Variants in SSBP3 observed in about 807,000 individuals in gnomAD.
SSBP3 encodes the protein single stranded DNA binding protein 3.
In SSBP3, 5 loss-of-function variants were observed where a neutral mutation model predicts 69.6. The observed-to-expected ratio is 0.07, with a 90% CI of 0.04 to 0.15. The LOEUF is 0.15. Ranked by LOEUF, SSBP3 falls within the 10% of genes least tolerant of loss-of-function variation. The probability of loss-of-function intolerance (pLI) is 1.00; values close to 1 mark genes in which losing one functional copy is unlikely to be tolerated. For missense variants in SSBP3, 312 were observed against 534.0 expected (o/e 0.58, Z 4.10); for synonymous variants, 196 against 193.4 (o/e 1.01, Z -0.11).
chr1:54,240,038 T>C (rs1398194779), intron 13 of SSBP3, among the ~76,000 whole-genome samples: 5 of 139,660 alleles, frequency 3.6e-5, no homozygotes, highest in African/African-American at 7.8e-5. Flanking sequence ...AGAAACATAA[T>C]TGTGATGGGG....
intron 4 of SSBP3, among the ~76,000 whole-genome samples, chr1:54,399,798 A>C (rs977360267): frequency 6.6e-6 from 1 of 152,102 alleles, no homozygotes; most frequent in Non-Finnish European, 1.5e-5. Context: ...CCTTTTCCTA[A>C]TTTTCTGAAG....
At chr1:54,283,820 C>T (rs1277542409) in intron 4 of SSBP3, among the ~76,000 whole-genome samples, 1 of 152,226 alleles carries the variant, frequency 6.6e-6, no homozygotes, top group Non-Finnish European at 1.5e-5. Flanking sequence ...CCTGCCTTGC[C>T]CCTGCCCGGC....
intron 5 of SSBP3, among the ~76,000 whole-genome samples, chr1:54,261,494 C>G (rs906799319): frequency 6.6e-6 from 1 of 152,194 alleles, no homozygotes; most frequent in Non-Finnish European, 1.5e-5. Flanking sequence ...CTCTCTTCCC[C>G]GAACTCTGAA....
intron 5 of SSBP3, among the ~76,000 whole-genome samples, chr1:54,270,457 G>A (rs187736593): frequency 6.8e-4 from 104 of 152,310 alleles, no homozygotes; most frequent in Non-Finnish European, 3.4e-4. Flanking sequence ...GGGAAGTAAC[G>A]TGTTAAAGGG....
upstream of SSBP3, among the ~76,000 whole-genome samples, chr1:54,410,704 G>C (rs1172672431): frequency 1.3e-5 from 2 of 152,200 alleles, no homozygotes; most frequent in African/African-American, 4.8e-5. Flanking sequence ...GGCAGACTTT[G>C]GGCAAGTGAC....
intron 4 of SSBP3, among the ~76,000 whole-genome samples, chr1:54,370,758 TCAGGCACTA>T (rs1438498365): frequency 6.6e-6 from 1 of 152,144 alleles, no homozygotes; most frequent in African/African-American, 2.4e-5. Flanking sequence ...AGAGTGGCCC[TCAGGCACTA>T]CATGTTCCTG....
intron 5 of SSBP3, among the ~76,000 whole-genome samples, chr1:54,259,988 T>C (rs1644990720): frequency 6.6e-6 from 1 of 152,258 alleles, no homozygotes; most frequent in African/African-American, 2.4e-5. Context: ...TTAGCGGCTT[T>C]CCCAAACATG....
chr1:54,251,708 G>C lies in SSBP3; in HGVS notation c.575-16C>G. Reference sequence around the variant, plus strand: ...TTGGGGTGGCCTGCGTGAGAGAGGAGGCGCGTCATGGGATGGCAGGAGTGG... The same window carrying C: ...TTGGGGTGGCCTGCGTGAGAGAGGACGCGCGTCATGGGATGGCAGGAGTGG... On this transcript the variant is annotated splice_polypyrimidine_tract_variant and intron_variant, in intron 8 of 17. Transcript: ENST00000610401. 3 of 1,568,740 alleles carry C rather than the reference G, an allele frequency of 1.9e-6. No individual in the cohort carries two copies. Among genetic ancestry groups the C allele is most frequent in the Non-Finnish European group, 2.6e-6 (3 of 1,154,986 alleles).
chr1:54,412,032 A>C (rs1650007016), intron 1 of SSBP3, among the ~76,000 whole-genome samples: 1 of 152,172 alleles, frequency 6.6e-6, no homozygotes, highest in Admixed American at 6.5e-5. Flanking sequence ...GCCTGGGACC[A>C]GCATGGCTCT....
At chr1:54,250,956 A>G (rs1180883034) in intron 9 of SSBP3, among the ~76,000 whole-genome samples, 1 of 152,220 alleles carries the variant, frequency 6.6e-6, no homozygotes, top group Non-Finnish European at 1.5e-5. Context: ...ATGTGAGGGC[A>G]CCTGAAATGC....
chr1:54,332,943 C>T (rs976486931), intron 4 of SSBP3, among the ~76,000 whole-genome samples: 1 of 152,158 alleles, frequency 6.6e-6, no homozygotes. Context: ...AGCACACACA[C>T]ACGCGTGCGC....
At chr1:54,389,076 G>A (rs1221197001) in intron 4 of SSBP3, among the ~76,000 whole-genome samples, 1 of 152,178 alleles carries the variant, frequency 6.6e-6, no homozygotes, top group African/African-American at 2.4e-5. Context: ...AAATGGAACT[G>A]AAATTTCCAA....
intron 4 of SSBP3, among the ~76,000 whole-genome samples, chr1:54,390,894 CT>C (rs1360342486): frequency 3.3e-5 from 5 of 152,214 alleles, no homozygotes; most frequent in Admixed American, 6.5e-5. Flanking sequence ...TGGAAGCCGT[CT>C]AAAAGCCGGC....
intron 4 of SSBP3, among the ~76,000 whole-genome samples, chr1:54,388,133 ATTTT>A (rs907384251): frequency 9.9e-5 from 15 of 151,632 alleles, no homozygotes; most frequent in African/African-American, 3.6e-4. Context: ...TGTCACTGAC[ATTTT>A]TTTTTAAGAC....
At chr1:54,292,630 C>T (rs963698226) in intron 4 of SSBP3, among the ~76,000 whole-genome samples, 5 of 152,172 alleles carry the variant, frequency 3.3e-5, no homozygotes, top group Non-Finnish European at 7.3e-5. Flanking sequence ...CGCACTCAGA[C>T]CAGACAGCGG....
chr1:54,289,260 T>C (rs937639236), intron 4 of SSBP3, among the ~76,000 whole-genome samples: 1 of 151,968 alleles, frequency 6.6e-6, no homozygotes, highest in Non-Finnish European at 1.5e-5. Context: ...CTTCAATGAG[T>C]TGGCATTCAC....
intron 1 of SSBP3, among the ~76,000 whole-genome samples, chr1:54,411,583 C>T (rs908121314): frequency 1.3e-5 from 2 of 151,732 alleles, no homozygotes; most frequent in East Asian, 3.9e-4. Flanking sequence ...GAGCCAGGGA[C>T]GCTGGGAAGT....
At chr1:54,273,728 G>C (rs1645235810) in intron 5 of SSBP3, among the ~76,000 whole-genome samples, 1 of 152,252 alleles carries the variant, frequency 6.6e-6, no homozygotes. Flanking sequence ...GAGAGAGAAG[G>C]CTGGCTCCCC....
chr1:54,252,071 T>G (rs1489120184), intron 7 of SSBP3, among the ~76,000 whole-genome samples: 1 of 152,154 alleles, frequency 6.6e-6, no homozygotes, highest in African/African-American at 2.4e-5. Context: ...GGCGTTGTTT[T>G]GGGGGCTCTG....
Sources: gnomAD v4.1 joint callset for allele counts (sites outside exome capture counted in the v4.1 genomes callset) on GRCh38, gnomAD v4.1.1 for gene constraint, MANE v1.5 for transcripts, NCBI Gene and HGNC (gene_info 2026-07-23, HGNC 2026-07-21) for gene names.